ZGRF1: variants seen among roughly 807,000 people sequenced by gnomAD.
ZGRF1 encodes 5'-3' DNA helicase ZGRF1.
Under a neutral mutation model 203.5 loss-of-function variants are expected in ZGRF1, and 196 were observed. The observed-to-expected ratio is 0.96, with a 90% confidence interval of 0.86 to 1.08. The LOEUF (loss-of-function observed/expected upper bound fraction) is 1.08. Among genes scored for constraint, ZGRF1 ranks in the 50% least tolerant of loss-of-function variants. The pLI is 0.00. For missense variants in ZGRF1, 2,326 were observed against 2,416.3 expected (o/e 0.96, Z 0.78); for synonymous variants, 809 against 841.3 (o/e 0.96, Z 0.66).
At chr4:112,616,866 G>A (rs769003423) in intron 6 of ZGRF1, among the ~76,000 whole-genome samples, 6 of 151,622 alleles carry the variant, frequency 4.0e-5, no homozygotes, top group Admixed American at 6.6e-5. Context: ...ACTGTGGAAC[G>A]GAGGAAAGAG....
At chr4:112,602,249 A>G (rs1418232921) in intron 10 of ZGRF1, among the ~76,000 whole-genome samples, 1 of 152,190 alleles carries the variant, frequency 6.6e-6, no homozygotes, top group Non-Finnish European at 1.5e-5. Flanking sequence ...ATCAAAGAGG[A>G]TAAAGAGATG....
chr4:112,560,868 A>G lies in ZGRF1; in HGVS notation c.4825T>C (p.Leu1609=). The G allele has an allele frequency of 6.2e-7, 1 of 1,613,750 alleles. No individual in the cohort carries two copies. The highest frequency in any genetic ancestry group is 8.5e-7 in the Non-Finnish European group (1 of 1,179,764). The change falls in exon 19 of 28, where the codon TTG becomes CTG. Residue 1609 remains leucine (L), a synonymous_variant. Transcript: ENST00000505019. ...TTGTTTAACTTGTGTACCTGAATCAACTCACTAGCTAACTTCAATGTTGCT... is the reference window on the plus strand; with the variant it reads ...TTGTTTAACTTGTGTACCTGAATCAGCTCACTAGCTAACTTCAATGTTGCT... ...LGATLKLASE[L]IQVHKLNKDQ...
intron 7 of ZGRF1, among the ~76,000 whole-genome samples, chr4:112,610,369 G>A (rs1005320381): frequency 1.3e-5 from 2 of 151,864 alleles, no homozygotes; most frequent in Admixed American, 6.6e-5. Flanking sequence ...ACAGGAGTTC[G>A]AGACCAGCCT....
intron 16 of ZGRF1, among the ~76,000 whole-genome samples, chr4:112,568,711 C>CAAAA (rs76531414): frequency 3.7e-4 from 16 of 42,842 alleles, no homozygotes; most frequent in East Asian, 1.4e-3. Context: ...AACTCTGTCT[C>CAAAA]AAAAAAAAAA....
chr4:112,607,490 G>C (rs923622289), intron 8 of ZGRF1, among the ~76,000 whole-genome samples: 1 of 152,110 alleles, frequency 6.6e-6, no homozygotes, highest in Non-Finnish European at 1.5e-5. Context: ...CTACCTTCTC[G>C]CAAGAATAGC....
In ZGRF1 at chr4:112,553,113, C is replaced by T. The variant is rs545348685; in HGVS notation, c.5346+722G>A. ...ATCAATACAGTGTCCCAAGTAGACT[C>T]ATTTTCTCAACTCTCTAGCAGAAAG... is the stretch of plus-strand genomic sequence containing the variant. On this transcript the variant is annotated intron_variant, in intron 22 of 27. Transcript: ENST00000505019. Among the ~76,000 whole-genome samples the T allele has an allele frequency of 2.6e-5, 4 of 152,350 alleles. No individual in the cohort carries two copies. In the South Asian group the frequency reaches 8.3e-4, roughly 32 times the overall value.
intron 4 of ZGRF1, among the ~76,000 whole-genome samples, chr4:112,620,760 G>A (rs1298033162): frequency 1.3e-5 from 2 of 151,924 alleles, no homozygotes; most frequent in Non-Finnish European, 2.9e-5. Flanking sequence ...CTATTTGGGG[G>A]GAATGAGGTG....
chr4:112,567,284 A>C (rs374410676), intron 16 of ZGRF1, among the ~76,000 whole-genome samples: 53 of 152,236 alleles, frequency 3.5e-4, no homozygotes, highest in African/African-American at 1.2e-3. Context: ...CAGAAAGAAA[A>C]GCTCATAACG....
intron 12 of ZGRF1, 87 bp from the exon 13 acceptor site, chr4:112,586,670 A>T (rs1056233926): frequency 1.2e-5 from 13 of 1,044,150 alleles, no homozygotes; most frequent in East Asian, 6.0e-5. Context: ...GACATTTTTT[A>T]AAAATATTAA....
chr4:112,620,101 C>G lies in ZGRF1; in HGVS notation c.252G>C (p.Gln84His), dbSNP rs767784818. 1.9e-6 allele frequency: 3 copies of G among 1,613,548 alleles called. No individual in the cohort carries two copies. Among genetic ancestry groups the G allele is most frequent in the East Asian group, 4.5e-5 (2 of 44,792 alleles). The change falls in exon 5 of 28, where the codon CAG (glutamine) becomes CAC (histidine). Residue 84 changes from glutamine (Q) to histidine (H), a missense_variant. Coordinates refer to ENST00000505019, the MANE Select transcript of ZGRF1 (RefSeq NM_018392.5). Reference protein sequence around the residue: ...KVAGAIGIVKQNVNKEAPELN... With the variant: ...KVAGAIGIVKHNVNKEAPELN... ...ACTCTGGTGCTTCTTTATTGACATT[C>G]TGCTTAACAATACCTATGGCTCCAG...
At chr4:112,600,518 C>G (rs1428633915) in intron 10 of ZGRF1, among the ~76,000 whole-genome samples, 1 of 151,950 alleles carries the variant, frequency 6.6e-6, no homozygotes, top group East Asian at 1.9e-4. Context: ...ATGGTGAAAC[C>G]CCGTCTCTAC....
chr4:112,589,904 A>C, intron 10 of ZGRF1, 30 bp from the exon 11 acceptor site: 1 of 1,506,588 alleles, frequency 6.6e-7, no homozygotes, highest in Non-Finnish European at 8.9e-7. Context: ...AAAACTACAG[A>C]CCAAAATCTT....
chr4:112,624,991 C>G (rs937046579), intron 3 of ZGRF1, among the ~76,000 whole-genome samples: 1 of 152,082 alleles, frequency 6.6e-6, no homozygotes, highest in Non-Finnish European at 1.5e-5. Context: ...TAAAACATGA[C>G]GTATTGGGCT....
chr4:112,630,382 G>T lies in ZGRF1; in HGVS notation c.102+1548C>A, dbSNP rs376790897. On this transcript the variant is annotated intron_variant, in intron 3 of 27. Transcript: ENST00000505019. ...AAAATACAAAAAGTAGCTGAGCATG[G>T]TTGCAAGTGCCTGTAATCTCAGCTA... Among the ~76,000 whole-genome samples the T allele has an allele frequency of 2.6e-5, 4 of 151,954 alleles. No individual in the cohort carries two copies. In the East Asian group the frequency reaches 7.8e-4, roughly 30 times the overall value.
rs2149015082 is a variant in ZGRF1, at chr4:112,585,720, G to C, written c.3922C>G (p.Leu1308Val). Residue 1308 changes from leucine (L) to valine (V), a missense_variant, in exon 14 of 28, where the codon CTA becomes GTA. Transcript: ENST00000505019. Reference protein sequence around the residue: ...QTFTSCLIEHLNILLFGLAQN... With the variant: ...QTFTSCLIEHVNILLFGLAQN... ...GCTAACCCAAACAGCAATATATTTA[G>C]ATGTTCTACAAAAAAAAAAAAAAGA... 2.0e-6 allele frequency: 3 copies of C among 1,465,708 alleles called. No individual in the cohort carries two copies. The highest frequency in any genetic ancestry group is 2.7e-6 in the Non-Finnish European group (3 of 1,109,376). 90.8% of individuals were successfully genotyped at this position (1,465,708 alleles called of 1,614,324 possible).
chr4:112,539,878 T>C lies in ZGRF1; in HGVS notation c.6157A>G (p.Ile2053Val), dbSNP rs147737548. Reference sequence around the variant, plus strand: ...TTTATTTTACCTTCGCAGTGTTGGATCACTCGTCCCCAAAGTTGATTTTTC... The same window carrying C: ...TTTATTTTACCTTCGCAGTGTTGGACCACTCGTCCCCAAAGTTGATTTTTC... The part of the protein sequence containing the change: ...LRKNQLWGRV[I>V]QHCEGREDGL... The change falls in exon 27 of 28, where the codon ATC (isoleucine) becomes GTC (valine). Residue 2053 changes from isoleucine to valine, a missense_variant. Transcript: ENST00000505019. The C allele has an allele frequency of 1.2e-6, 2 of 1,613,728 alleles. No homozygotes were observed. The highest frequency in any genetic ancestry group is 1.3e-5 in the African/African-American group (1 of 74,930).
intron 3 of ZGRF1, among the ~76,000 whole-genome samples, chr4:112,630,836 G>A (rs984942584): frequency 2.7e-5 from 4 of 150,928 alleles, no homozygotes; most frequent in East Asian, 3.9e-4. Context: ...GCAGTGAGCC[G>A]AGATCATGCC....
chr4:112,624,298 T>C (rs6854311), intron 3 of ZGRF1, among the ~76,000 whole-genome samples: 103,542 of 151,816 alleles, frequency 0.68, 35,743 homozygotes, highest in East Asian at 0.95. Context: ...GGTGGATCAC[T>C]TGAGGTCTAG....
intron 10 of ZGRF1, among the ~76,000 whole-genome samples, chr4:112,596,112 T>C (rs1748964434): frequency 6.6e-6 from 1 of 152,194 alleles, no homozygotes; most frequent in African/African-American, 2.4e-5. Flanking sequence ...CATAAGTTTC[T>C]TTTTCAATAT....
Sources: gnomAD v4.1 joint callset for allele counts (sites outside exome capture counted in the v4.1 genomes callset) on GRCh38, gnomAD v4.1.1 for gene constraint, MANE v1.5 for transcripts, NCBI Gene and HGNC (gene_info 2026-07-23, HGNC 2026-07-21) for gene names.